SCHIP1: variants seen among roughly 807,000 people sequenced by gnomAD.
The protein encoded by SCHIP1 is schwannomin-interacting protein 1.
In SCHIP1, 8 loss-of-function variants were observed where a neutral mutation model predicts 29.7. The ratio of observed to expected loss-of-function variants is 0.27; its 90% CI spans 0.16 to 0.49. The LOEUF is 0.49. Ranked by LOEUF, SCHIP1 falls within the 20% of genes least tolerant of loss-of-function variation. The pLI, the probability that SCHIP1 is intolerant of heterozygous loss-of-function variation, is 0.99. For synonymous variants in SCHIP1, 76 were observed against 94.9 expected (o/e 0.80, Z 1.16); for missense variants, 193 against 294.6 (o/e 0.66, Z 2.52).
At chr3:159,508,503 C>T in the SCHIP1 span, among the ~76,000 whole-genome samples, 1 of 152,154 alleles carries the variant, frequency 6.6e-6, no homozygotes, top group South Asian at 2.1e-4. Flanking sequence ...TTCTTGCCTT[C>T]TGCTAGCTTT....
chr3:159,399,478 C>G, the SCHIP1 span, among the ~76,000 whole-genome samples: 1 of 152,092 alleles, frequency 6.6e-6, no homozygotes, highest in African/African-American at 2.4e-5. Flanking sequence ...ACAATGAGTT[C>G]TCAATAAATA....
At chr3:159,711,471 C>G in the SCHIP1 span, among the ~76,000 whole-genome samples, 1 of 149,880 alleles carries the variant, frequency 6.7e-6, no homozygotes, top group African/African-American at 2.4e-5. Context: ...AAATGCCTAC[C>G]GAGTGCAAGA....
exon 4 of SCHIP1, chr3:159,887,902 T>C (rs1013530933): frequency 2.5e-6 from 4 of 1,613,878 alleles, no homozygotes; most frequent in African/African-American, 1.3e-5. Flanking sequence ...CCGTCGCTGA[T>C]CTTGTAAGCA....
the SCHIP1 span, among the ~76,000 whole-genome samples, chr3:159,471,766 G>A: frequency 1.3e-5 from 2 of 152,116 alleles, no homozygotes; most frequent in East Asian, 3.9e-4. Flanking sequence ...AGAAGTAAAC[G>A]TAACTAGTGG....
the SCHIP1 span, chr3:159,765,259 T>C: frequency 4.1e-5 from 48 of 1,181,470 alleles, 1 homozygote; most frequent in Admixed American, 1.2e-3. Context: ...TCCTCGAGGG[T>C]GGGGGCCAGG....
the SCHIP1 span, chr3:159,273,728 C>G: frequency 6.4e-7 from 1 of 1,555,708 alleles, no homozygotes; most frequent in Non-Finnish European, 8.7e-7. Context: ...ACCTTACTAG[C>G]TAACCCAGGT....
At chr3:159,631,777 G>A in the SCHIP1 span, among the ~76,000 whole-genome samples, 2,702 of 152,090 alleles carry the variant, frequency 0.018, 97 homozygotes, top group African/African-American at 0.062. Flanking sequence ...AATGTATTTC[G>A]TGCCACTGAA....
chr3:159,585,443 T>C, the SCHIP1 span, among the ~76,000 whole-genome samples: 1 of 152,268 alleles, frequency 6.6e-6, no homozygotes, highest in South Asian at 2.1e-4. Context: ...TCCATTTTCA[T>C]GTTGTTCCAT....
At chr3:159,522,748 A>G in the SCHIP1 span, among the ~76,000 whole-genome samples, 2 of 152,234 alleles carry the variant, frequency 1.3e-5, no homozygotes, top group African/African-American at 4.8e-5. Flanking sequence ...GCAAGCCTGT[A>G]GTCCCAGCTG....
the SCHIP1 span, among the ~76,000 whole-genome samples, chr3:159,711,453 T>C: frequency 6.7e-6 from 1 of 148,164 alleles, no homozygotes; most frequent in Non-Finnish European, 1.5e-5. Flanking sequence ...TAGTAAGGAT[T>C]CAAACTCAAA....
the SCHIP1 span, among the ~76,000 whole-genome samples, chr3:159,489,081 C>T: frequency 6.6e-6 from 1 of 152,158 alleles, no homozygotes; most frequent in Non-Finnish European, 1.5e-5. Flanking sequence ...AGCCATAGCA[C>T]TGATTAATTT....
At chr3:159,476,170 G>A in the SCHIP1 span, among the ~76,000 whole-genome samples, 1 of 152,288 alleles carries the variant, frequency 6.6e-6, no homozygotes, top group East Asian at 1.9e-4. Flanking sequence ...CATTCAAAAT[G>A]ACTTTACAGG....
chr3:159,602,642 G>A, the SCHIP1 span, among the ~76,000 whole-genome samples: 1 of 151,810 alleles, frequency 6.6e-6, no homozygotes, highest in Non-Finnish European at 1.5e-5. Context: ...CTGGGAGGCA[G>A]AGGTTACAGT....
chr3:159,889,074 A>C (rs1717235797), intron 5 of SCHIP1, 131 bp downstream of exon 6: 6 of 1,243,586 alleles, frequency 4.8e-6, no homozygotes, highest in African/African-American at 1.5e-5. Context: ...AAATAAGAGA[A>C]TCACAAGGCT....
chr3:159,776,144 G>A, the SCHIP1 span, among the ~76,000 whole-genome samples: 691 of 152,256 alleles, frequency 4.5e-3, 19 homozygotes, highest in Admixed American at 0.037. Flanking sequence ...AAAATAACAT[G>A]TTTTCAAATA....
chr3:159,871,245 T>C (rs1715233577), intron 2 of SCHIP1, among the ~76,000 whole-genome samples: 3 of 151,708 alleles, frequency 2.0e-5, no homozygotes, highest in Admixed American at 1.3e-4. Context: ...CTAGTTGGCA[T>C]GCATCATCTG....
the SCHIP1 span, among the ~76,000 whole-genome samples, chr3:159,305,873 C>T: frequency 5.9e-3 from 894 of 152,310 alleles, 12 homozygotes; most frequent in African/African-American, 0.02. Context: ...ACCATGAATG[C>T]TGCCCTATTA....
the SCHIP1 span, among the ~76,000 whole-genome samples, chr3:159,284,161 C>T: frequency 6.6e-6 from 1 of 151,974 alleles, no homozygotes; most frequent in Non-Finnish European, 1.5e-5. Flanking sequence ...TTGATAAAAC[C>T]GTACAGCCAC....
chr3:159,562,669 AT>A, the SCHIP1 span, among the ~76,000 whole-genome samples: 1 of 152,200 alleles, frequency 6.6e-6, no homozygotes, highest in African/African-American at 2.4e-5. Context: ...AGGGACTTCC[AT>A]AAAGTTTTTG....
Sources: allele counts gnomAD v4.1 joint callset (sites outside exome capture counted in the v4.1 genomes callset), GRCh38; gene constraint gnomAD v4.1.1; transcripts MANE v1.5; gene names NCBI Gene and HGNC (gene_info 2026-07-23, HGNC 2026-07-21).